The following AMD1 variants were observed in gnomAD, a reference collection of about 807,000 sequenced individuals.
AMD1 encodes S-adenosylmethionine decarboxylase proenzyme.
AMD1 carries 11 observed loss-of-function variants against 40.2 expected under a neutral mutation model. That is an observed-to-expected ratio of 0.27 (90% CI 0.17 to 0.45). AMD1 has a LOEUF of 0.45. Ranked by LOEUF, AMD1 falls within the 20% of genes least tolerant of loss-of-function variation. AMD1 has a pLI of 1.00. For synonymous variants in AMD1, 121 were observed against 130.8 expected (o/e 0.93, Z 0.51); for missense variants, 257 against 410.2 (o/e 0.63, Z 3.23).
intron 1 of AMD1, among the ~76,000 whole-genome samples, chr6:110,885,418 T>TTTG (rs10695212): frequency 0.86 from 130,990 of 151,738 alleles, 56,704 homozygotes; most frequent in Middle Eastern, 0.95. Context: ...TGGCCAAGTT[T>TTTG]TTGTTGTTTT....
chr6:110,890,879 T>A (rs572744177), intron 4 of AMD1: 3 of 152,248 alleles, frequency 2.0e-5, no homozygotes, highest in African/African-American at 7.2e-5. Context: ...TAAAGAACAT[T>A]AAAATATCAG....
chr6:110,895,443 GGTTTTGTTTTT>G lies in AMD1; in HGVS notation c.*1838_*1848del, dbSNP rs943670605. The G allele has an allele frequency of 1.4e-5, 2 of 139,988 alleles. No homozygotes were observed. The highest frequency in any genetic ancestry group is 3.1e-5 in the Non-Finnish European group (2 of 65,014). The allele number at this position is 139,988 out of a possible 1,614,324, so 8.7% of individuals were successfully genotyped here. On this transcript the variant is annotated 3_prime_UTR_variant, in exon 9 of 9. Transcript: ENST00000368885. ...GATTTGTTGACTTGAGGTCTGGTTT[GGTTTTGTTTTT>G]GTTTTGTTTTGTTTTGTTTTGTTTC...
the AMD1 span, among the ~76,000 whole-genome samples, chr6:110,868,477 G>A: frequency 1.3e-5 from 2 of 151,868 alleles, no homozygotes; most frequent in Non-Finnish European, 2.9e-5. Context: ...TCTTATATCT[G>A]CTGTTAAATA....
intron 1 of AMD1, among the ~76,000 whole-genome samples, chr6:110,883,320 G>GT (rs896964050): frequency 1.9e-4 from 29 of 152,174 alleles, no homozygotes; most frequent in Admixed American, 3.3e-4. Flanking sequence ...TGAATTTCCT[G>GT]TTTTTTTTCC....
intron 1 of AMD1, among the ~76,000 whole-genome samples, chr6:110,880,308 TA>T (rs1182739802): frequency 4.6e-5 from 7 of 152,172 alleles, no homozygotes; most frequent in Admixed American, 1.3e-4. Flanking sequence ...GACTTGCAAG[TA>T]TTTTATTCTG....
chr6:110,814,882 C>A, the AMD1 span: 11 of 1,306,222 alleles, frequency 8.4e-6, no homozygotes, highest in Non-Finnish European at 1.2e-5. Flanking sequence ...TGTCCGGACG[C>A]AACCCCGCGA....
In AMD1 at chr6:110,874,975, CA is replaced by C. The variant is rs201633158; in HGVS notation, c.-120del. On this transcript the variant is annotated 5_prime_UTR_variant, in exon 1 of 9. Transcript: ENST00000368885. ...AAAAAAAGTTAATATAAAATTATAG[CA>C]AAAAAAAAAAGGAACCTGAACTTTA... 0.17 allele frequency: 76,177 copies of C among 459,044 alleles called. 343 individuals are homozygous for C. The highest frequency in any genetic ancestry group is 0.26 in the South Asian group (9,261 of 35,654). 28.4% of individuals were successfully genotyped at this position (459,044 alleles called of 1,614,324 possible).
At chr6:110,827,022 T>A in the AMD1 span, among the ~76,000 whole-genome samples, 31 of 151,934 alleles carry the variant, frequency 2.0e-4, no homozygotes, top group Non-Finnish European at 3.8e-4. Flanking sequence ...CCACAGACAC[T>A]AGTCATAATG....
chr6:110,876,292 C>T lies in AMD1; in HGVS notation c.110+1077C>T, dbSNP rs554993313. ...CCTTCCTAGGCCCTGCCACCGGATC[C>T]CTGGCTCCTCTGCGCACGAGTGCGG... is the stretch of plus-strand genomic sequence containing the variant. On this transcript the variant is annotated intron_variant, in intron 1 of 8. Coordinates refer to ENST00000368885, the MANE Select transcript of AMD1 (RefSeq NM_001634.6). Among the ~76,000 whole-genome samples, 132 of 152,344 alleles carry T rather than the reference C, an allele frequency of 8.7e-4. 1 individual carries two copies. The highest frequency in any genetic ancestry group is 3.1e-3 in the African/African-American group (129 of 41,560).
In AMD1 at chr6:110,894,828, C is replaced by T. The variant is rs780251093; in HGVS notation, c.*1212C>T. On this transcript the variant is annotated 3_prime_UTR_variant, in exon 9 of 9. Transcript: ENST00000368885. ...GTGAGTGTTCCGACTTCATCTGTTC[C>T]TCTTAACTACGGTGTTTCCCTTACC... 3 of 152,128 alleles carry T rather than the reference C, an allele frequency of 2.0e-5. No homozygotes were observed. Among genetic ancestry groups the T allele is most frequent in the Admixed American group, 6.6e-5 (1 of 15,266 alleles). 9.4% of individuals were successfully genotyped at this position (152,128 alleles called of 1,614,324 possible). A position where few individuals can be genotyped will look rare whatever the true frequency, so the allele number is the denominator to read the frequency against.
At chr6:110,840,158 C>T in the AMD1 span, among the ~76,000 whole-genome samples, 1 of 151,856 alleles carries the variant, frequency 6.6e-6, no homozygotes, top group African/African-American at 2.4e-5. Flanking sequence ...GCTGGGATTA[C>T]AGGTGTGAGC....
At chr6:110,822,219 A>T in the AMD1 span, among the ~76,000 whole-genome samples, 3 of 152,182 alleles carry the variant, frequency 2.0e-5, no homozygotes, top group Non-Finnish European at 4.4e-5. Context: ...AGAAGATTCA[A>T]ATAAGCTCAA....
the AMD1 span, chr6:110,858,273 A>G: frequency 1.0e-6 from 1 of 957,654 alleles, no homozygotes; most frequent in Middle Eastern, 2.6e-4. Flanking sequence ...GACCCCTCGT[A>G]CGGGCTGTCA....
Position 110,874,825 on chromosome 6 carries a change from C to A in AMD1, c.-281C>A. The stretch of plus-strand genomic sequence containing the variant: ...CCGGCGACATTAGCTAGCGCTCGCT[C>A]TACTCTCTCTAACGGGAAAGCAGCG... On this transcript the variant is annotated 5_prime_UTR_variant, in exon 1 of 9. Transcript: ENST00000368885. 2.8e-6 allele frequency: 1 copy of A among 356,256 alleles called. No individual in the cohort carries two copies. The highest frequency in any genetic ancestry group is 5.2e-6 in the Non-Finnish European group (1 of 193,392). The allele number at this position is 356,256 out of a possible 1,614,324, so 22.1% of individuals were successfully genotyped here. A position where few individuals can be genotyped will look rare whatever the true frequency, so the allele number is the denominator to read the frequency against.
Position 110,891,718 on chromosome 6 carries a change from C to T in AMD1, c.428-443C>T, listed in dbSNP as rs140940090. ...CGATCCTGCTTATCTGGGAATTTAC[C>T]TACTGTTTCCATTCCTTTCACTGAT... On this transcript the variant is annotated intron_variant, in intron 4 of 8. Transcript: ENST00000368885. 2.8e-5 allele frequency: 5 copies of T among 176,756 alleles called. No homozygotes were observed. The East Asian group carries it at 7.4e-4, about 26-fold the overall frequency. The allele number at this position is 176,756 out of a possible 1,614,324, so 10.9% of individuals were successfully genotyped here.
At chr6:110,875,387 G>A (rs1189464769) in intron 1 of AMD1, among the ~76,000 whole-genome samples, 172 bp downstream of exon 1, 1 of 152,152 alleles carries the variant, frequency 6.6e-6, no homozygotes, top group Admixed American at 6.5e-5. Flanking sequence ...GAGCGGCCAT[G>A]TCCACGCGGG....
chr6:110,858,704 G>A, the AMD1 span: 4 of 778,052 alleles, frequency 5.1e-6, no homozygotes, highest in Admixed American at 8.2e-5. Flanking sequence ...GAACTTCGAC[G>A]ACGCCACCAT....
At chr6:110,843,281 G>T in the AMD1 span, among the ~76,000 whole-genome samples, 1 of 151,746 alleles carries the variant, frequency 6.6e-6, no homozygotes. Context: ...TGGCCAACAT[G>T]GAGAAACCCA....
chr6:110,823,357 T>C, the AMD1 span, among the ~76,000 whole-genome samples: 1 of 152,144 alleles, frequency 6.6e-6, no homozygotes, highest in Non-Finnish European at 1.5e-5. Flanking sequence ...CTCAACGTAG[T>C]ACTGGAAGTA....
Sources: allele counts gnomAD v4.1 joint callset (sites outside exome capture counted in the v4.1 genomes callset), GRCh38; gene constraint gnomAD v4.1.1; transcripts MANE v1.5; gene names NCBI Gene and HGNC (gene_info 2026-07-23, HGNC 2026-07-21).